Variants in ATM observed in about 807,000 individuals in gnomAD.
ATM encodes ATM serine/threonine kinase, also known as serine-protein kinase ATM.
In ATM, 308 loss-of-function variants were observed where a neutral mutation model predicts 387.0. That is an observed-to-expected ratio of 0.80 (90% confidence interval 0.73 to 0.87). The LOEUF (loss-of-function observed/expected upper bound fraction) is 0.87. ATM is among the 40% of genes least tolerant of loss of function. The pLI, the probability that ATM is intolerant of heterozygous loss-of-function variation, is 0.00. For synonymous variants in ATM, 1,156 were observed against 1,187.3 expected (o/e 0.97, Z 0.54); for missense variants, 3,312 against 3,560.9 (o/e 0.93, Z 1.78).
rs4988047 is a variant in ATM, at chr11:108,305,464, C to T, written c.5674+612C>T. ...GCATGGTGGCAGGCGCCTATAATTGCAGCTACTTGGGAGGCTGAGGCAGGA... is the reference window on the plus strand; with the variant it reads ...GCATGGTGGCAGGCGCCTATAATTGTAGCTACTTGGGAGGCTGAGGCAGGA... On this transcript the variant is annotated intron_variant, in intron 37 of 62. Coordinates refer to ENST00000675843, the MANE Select transcript of ATM (RefSeq NM_000051.4). 6.0e-3 allele frequency among the ~76,000 whole-genome samples: 916 copies of T among 152,190 alleles called. 6 individuals carry two copies. Among genetic ancestry groups the T allele is most frequent in the East Asian group, 0.01 (54 of 5,166 alleles).
At chr11:108,349,277 C>G (rs1405197432) in intron 59 of ATM, among the ~76,000 whole-genome samples, 1 of 152,154 alleles carries the variant, frequency 6.6e-6, no homozygotes, top group Non-Finnish European at 1.5e-5. Flanking sequence ...AGTAATCAAT[C>G]CTAGAGGCCT....
rs34325032 is a variant in ATM, at chr11:108,250,683, C to CTTTTTT, written c.1236-8_1236-3dup. ...GTGATGGAATAGTTTTCAAATTATC[C>CTTTTTT]TTTTTTTTTTTTTTTAGGCTACAGA... On this transcript the variant is annotated splice_polypyrimidine_tract_variant and intron_variant, in intron 9 of 62. Coordinates refer to ENST00000675843, the MANE Select transcript of ATM (RefSeq NM_000051.4). 1 of 1,336,706 alleles carries CTTTTTT rather than the reference C, an allele frequency of 7.5e-7. No homozygotes were observed. The highest frequency in any genetic ancestry group is 1.0e-6 in the Non-Finnish European group (1 of 986,974). 82.8% of individuals were successfully genotyped at this position (1,336,706 alleles called of 1,614,324 possible).
chr11:108,312,558 G>C (rs1421587440), intron 40 of ATM, 60 bp downstream of exon 40: 5 of 1,227,918 alleles, frequency 4.1e-6, no homozygotes, highest in African/African-American at 3.0e-5. Context: ...GGGTTATTTT[G>C]TTATAGACAC....
intron 35 of ATM, among the ~76,000 whole-genome samples, chr11:108,302,009 A>C (rs1281441753): frequency 6.6e-6 from 1 of 152,138 alleles, no homozygotes; most frequent in African/African-American, 2.4e-5. Context: ...AGGAAATAGT[A>C]GTTGATTTTT....
chr11:108,364,643 G>T (rs551423554), intron 61 of ATM, among the ~76,000 whole-genome samples: 21 of 152,190 alleles, frequency 1.4e-4, no homozygotes, highest in Non-Finnish European at 2.6e-4. Flanking sequence ...TATTGGAGAA[G>T]ACGGCTTAGG....
Position 108,329,166 on chromosome 11 carries a change from A to G in ATM, c.7235A>G (p.Asn2412Ser), listed in dbSNP as rs786203311. 14 of 1,614,094 alleles carry G rather than the reference A, an allele frequency of 8.7e-6. No individual in the cohort carries two copies. Among genetic ancestry groups the G allele is most frequent in the Middle Eastern group, 1.7e-4 (1 of 6,060 alleles). ...ENYMKSSEFE[N>S]KQALLKRAKE... is the part of the protein sequence containing the mutation. ...TACATGAAATCATCGGAATTTGAAA[A>G]CAAGCAAGCTCTCCTGAAAAGAGCC... Residue 2412 changes from asparagine (N) to serine (S), a missense_variant, in exon 49 of 63, where the codon AAC (asparagine) becomes AGC (serine). Physicochemically the swap from Asn to Ser is conservative, Grantham distance 46 (BLOSUM62 1). Around this residue, in one of 4 missense-constraint regions of ATM, gnomAD observed 1,405 missense variants for 1,604.4 expected, o/e 0.88. Transcript: ENST00000675843.
chr11:108,347,553 T>G (rs2088600933), intron 59 of ATM, among the ~76,000 whole-genome samples, 188 bp downstream of exon 59: 1 of 152,064 alleles, frequency 6.6e-6, no homozygotes, highest in Non-Finnish European at 1.5e-5. Flanking sequence ...GGGTACTGAG[T>G]GAAACTTAAT....
intron 45 of ATM, among the ~76,000 whole-genome samples, chr11:108,321,862 T>C (rs1394830049): frequency 6.6e-6 from 1 of 152,184 alleles, no homozygotes; most frequent in East Asian, 1.9e-4. Flanking sequence ...TGATTAGCCC[T>C]AGTGAATTGT....
intron 45 of ATM, among the ~76,000 whole-genome samples, chr11:108,322,841 A>G (rs11212588): frequency 0.026 from 3,918 of 151,658 alleles, 180 homozygotes; most frequent in African/African-American, 0.09. Context: ...ATTCGGTTTT[A>G]GCACTGCATT....
chr11:108,277,942 T>G (rs1201611510), intron 22 of ATM, among the ~76,000 whole-genome samples: 1 of 152,228 alleles, frequency 6.6e-6, no homozygotes, highest in Non-Finnish European at 1.5e-5. Flanking sequence ...AAGGCACTGG[T>G]TTTTGTCTGT....
chr11:108,338,012 A>G (rs1471343170), intron 56 of ATM, among the ~76,000 whole-genome samples: 1 of 152,258 alleles, frequency 6.6e-6, no homozygotes, highest in Non-Finnish European at 1.5e-5. Flanking sequence ...CTTTTTCAAC[A>G]GCTAGTTTTC....
chr11:108,248,520 T>A (rs917539044), intron 8 of ATM, among the ~76,000 whole-genome samples: 2 of 152,214 alleles, frequency 1.3e-5, no homozygotes, highest in African/African-American at 4.8e-5. Flanking sequence ...TCTTGCTTTA[T>A]GAGTTCCCTG....
At chr11:108,336,042 T>C in intron 56 of ATM, 81 bp downstream of exon 56, 1 of 1,088,112 alleles carries the variant, frequency 9.2e-7, no homozygotes, top group Non-Finnish European at 1.4e-6. Context: ...CATGCCCATA[T>C]TCATAATGCT....
intron 48 of ATM, among the ~76,000 whole-genome samples, chr11:108,328,466 G>A (rs929665663): frequency 6.6e-6 from 1 of 151,926 alleles, no homozygotes; most frequent in African/African-American, 2.4e-5. Context: ...GTCTGGTCTC[G>A]AACTCCTGAC....
Position 108,292,788 on chromosome 11 carries a change from A to G in ATM, c.4606A>G (p.Lys1536Glu), listed in dbSNP as rs587779841. 3.8e-5 allele frequency: 62 copies of G among 1,613,870 alleles called. No individual in the cohort carries two copies. The Admixed American group carries it at 1.0e-3, about 26-fold the overall frequency. Residue 1536 changes from lysine (K) to glutamate (E), a missense_variant, in exon 30 of 63, where the codon AAA becomes GAA. By Grantham distance (56) the Lys-to-Glu change is moderately conservative. Coordinates refer to ENST00000675843, the MANE Select transcript of ATM (RefSeq NM_000051.4). Reference sequence around the variant, plus strand: ...TGTGTATGAGCAGGTGGAGGTTCAGAAACAGGTAATTTTCTGACTCATCTT... The same window carrying G: ...TGTGTATGAGCAGGTGGAGGTTCAGGAACAGGTAATTTTCTGACTCATCTT... ...PLVYEQVEVQ[K>E]QVLDLLKYLV... is the part of the protein sequence containing the mutation.
intron 16 of ATM, among the ~76,000 whole-genome samples, chr11:108,265,177 C>G (rs1380972380): frequency 3.3e-5 from 5 of 151,718 alleles, no homozygotes; most frequent in Non-Finnish European, 7.4e-5. Flanking sequence ...ATCGGCAAGT[C>G]AATCCTAAGC....
intron 40 of ATM, among the ~76,000 whole-genome samples, chr11:108,314,771 A>T (rs577044075): frequency 3.9e-5 from 6 of 152,352 alleles, no homozygotes; most frequent in Admixed American, 3.9e-4. Flanking sequence ...TATGTATTAT[A>T]TACTGTATTC....
intron 56 of ATM, among the ~76,000 whole-genome samples, chr11:108,338,862 C>T (rs991187686): frequency 3.9e-5 from 6 of 152,084 alleles, no homozygotes; most frequent in African/African-American, 7.2e-5. Context: ...GTGTTCTTGC[C>T]TTTAGTTAAG....
intron 40 of ATM, among the ~76,000 whole-genome samples, chr11:108,313,483 C>T (rs1241930892): frequency 1.3e-5 from 2 of 152,156 alleles, no homozygotes; most frequent in African/African-American, 2.4e-5. Flanking sequence ...GTTGCTAAGT[C>T]TGGTGGTCAC....
Sources: gnomAD v4.1 joint callset for allele counts (sites outside exome capture counted in the v4.1 genomes callset) on GRCh38, gnomAD v4.1.1 for gene constraint, gnomAD v4.1.1 regional missense constraint, MANE v1.5 for transcripts, NCBI Gene and HGNC (gene_info 2026-07-23, HGNC 2026-07-21) for gene names.